DDX20: variants seen among roughly 807,000 people sequenced by gnomAD.
DDX20 encodes DEAD-box helicase 20, also known as probable ATP-dependent RNA helicase DDX20.
Under a neutral mutation model 76.4 loss-of-function variants are expected in DDX20, and 61 were observed. The ratio of observed to expected loss-of-function variants is 0.80; its 90% CI spans 0.65 to 0.99. The LOEUF (loss-of-function observed/expected upper bound fraction) is 0.99. Among genes scored for constraint, DDX20 ranks in the 50% least tolerant of loss-of-function variants. The pLI is 0.00. For synonymous variants in DDX20, 357 were observed against 357.4 expected (o/e 1.00, Z 0.01); for missense variants, 976 against 996.8 (o/e 0.98, Z 0.28).
In DDX20 at chr1:111,761,113, A is replaced by T; in HGVS notation, c.950A>T (p.Asn317Ile). The T allele has an allele frequency of 6.2e-7, 1 of 1,613,548 alleles. No individual in the cohort carries two copies. Among genetic ancestry groups the T allele is most frequent in the Non-Finnish European group, 8.5e-7 (1 of 1,179,778 alleles). Residue 317 changes from asparagine to isoleucine, a missense_variant, in exon 6 of 11, where the codon AAT (asparagine) becomes ATT (isoleucine). By Grantham distance (149) the Asn-to-Ile change is moderately radical. Around this residue, in one of 3 missense-constraint regions of DDX20, gnomAD observed 630 missense variants for 693.7 expected, o/e 0.91. Transcript: ENST00000369702. ...IPFNQALVFS[N>I]LHSRAQHLAD... is the part of the protein sequence containing the mutation. ...TTTAATCAAGCTTTAGTCTTTTCTA[A>T]TTTGCACAGCAGGTAATGTAACTTA...
chr1:111,764,537 A>G (rs1413403454), intron 10 of DDX20, among the ~76,000 whole-genome samples: 1 of 152,230 alleles, frequency 6.6e-6, no homozygotes, highest in Non-Finnish European at 1.5e-5. Context: ...ACTTTAGAGT[A>G]AATGGTCTTT....
intron 3 of DDX20, among the ~76,000 whole-genome samples, chr1:111,760,038 G>C (rs1284358891): frequency 6.6e-6 from 1 of 151,342 alleles, no homozygotes; most frequent in Non-Finnish European, 1.5e-5. Context: ...GTACATGACT[G>C]GTTTACCAGT....
chr1:111,766,137 A>T lies in DDX20; in HGVS notation c.1713A>T (p.Ser571=), dbSNP rs148760030. ...QHQVKEALPV[S]LPQIPCLSSF... is the part of the protein sequence containing the mutation. ...AGGTCAAAGAAGCTTTACCTGTGTCACTCCCCCAGATTCCTTGTCTGTCTT... is the reference window on the plus strand; with the variant it reads ...AGGTCAAAGAAGCTTTACCTGTGTCTCTCCCCCAGATTCCTTGTCTGTCTT... The change falls in exon 11 of 11, where the codon TCA becomes TCT. Residue 571 remains serine, a synonymous_variant. Transcript: ENST00000369702. 6.8e-5 allele frequency: 110 copies of T among 1,613,852 alleles called. No homozygotes were observed. Among genetic ancestry groups the T allele is most frequent in the Non-Finnish European group, 8.8e-5 (104 of 1,180,014 alleles).
At chr1:111,756,489 G>A (rs1221195886) in intron 1 of DDX20, among the ~76,000 whole-genome samples, 157 bp from the exon 2 acceptor site, 1 of 152,226 alleles carries the variant, frequency 6.6e-6, no homozygotes, top group African/African-American at 2.4e-5. Context: ...AACGTTCAGG[G>A]ACTAGGCGTG....
chr1:111,760,877 A>T (rs776238706), intron 5 of DDX20, 29 bp downstream of exon 5: 2 of 1,596,160 alleles, frequency 1.3e-6, no homozygotes, highest in Non-Finnish European at 1.7e-6. Context: ...TACTTATATT[A>T]TTGGTTTATT....
At position 111,766,576 on chromosome 1, in the gene DDX20, CAGATGAAG is replaced by C; in HGVS notation, c.2154_2161del (p.Gln718HisfsTer4). 6.2e-7 allele frequency: 1 copy of C among 1,614,148 alleles called. No homozygotes were observed. The highest frequency in any genetic ancestry group is 8.5e-7 in the Non-Finnish European group (1 of 1,180,000). ...GAAATATCAAGAATCACCTGGAATCCAGATGAAGACAAGACTTAAAGAGGGGGCTAGCC... is the reference window on the plus strand; with the variant it reads ...GAAATATCAAGAATCACCTGGAATCCACAAGACTTAAAGAGGGGGCTAGCC... On this transcript the variant is annotated frameshift_variant, in exon 11 of 11. Coordinates refer to ENST00000369702, the MANE Select transcript of DDX20 (RefSeq NM_007204.5). LOFTEE classifies it high-confidence loss of function.
intron 10 of DDX20, 21 bp from the exon 11 acceptor site, chr1:111,765,716 T>C: frequency 1.3e-6 from 2 of 1,542,386 alleles, no homozygotes; most frequent in African/African-American, 1.4e-5. Flanking sequence ...TTTTAATACA[T>C]TTTTCTTCCT....
At chr1:111,759,346 C>T in intron 2 of DDX20, 54 bp from the exon 3 acceptor site, 3 of 1,311,692 alleles carry the variant, frequency 2.3e-6, no homozygotes. Context: ...ATATACCAGT[C>T]CCCTATGTAT....
rs1437052703 is a variant in DDX20 at position 111,767,808 on chromosome 1, TA to T, written c.*910del. 2.6e-5 allele frequency: 4 copies of T among 152,204 alleles called. No individual in the cohort carries two copies. Among genetic ancestry groups the T allele is most frequent in the Admixed American group, 2.6e-4 (4 of 15,278 alleles). The allele number at this position is 152,204 out of a possible 1,614,324, so 9.4% of individuals were successfully genotyped here. On this transcript the variant is annotated 3_prime_UTR_variant, in exon 11 of 11. Transcript: ENST00000369702. The stretch of plus-strand genomic sequence containing the variant: ...TCTGCTGGTAGGCTAGGGGAAGTTC[TA>T]GCTCTTAGTTTTAAGTATTTTGTGG...
At chr1:111,760,317 A>G (rs1352704324) in intron 3 of DDX20, 157 bp from the exon 4 acceptor site, 1 of 534,014 alleles carries the variant, frequency 1.9e-6, no homozygotes, top group East Asian at 3.2e-5. Context: ...AGAGCTCCAG[A>G]TTTCTAATTT....
chr1:111,763,838 C>G (rs1663723521), intron 10 of DDX20, among the ~76,000 whole-genome samples: 1 of 152,060 alleles, frequency 6.6e-6, no homozygotes, highest in Admixed American at 6.5e-5. Context: ...TAAGTGCCCT[C>G]TTGGAAACAA....
chr1:111,761,324 G>C (rs1434114272), intron 7 of DDX20, 40 bp downstream of exon 7: 5 of 1,556,522 alleles, frequency 3.2e-6, no homozygotes, highest in Non-Finnish European at 4.4e-6. Flanking sequence ...TTAGTATACT[G>C]ACTTGAAGCC....
Position 111,767,864 on chromosome 1 carries a change from C to A in DDX20, c.*965C>A, listed in dbSNP as rs1159998573. On this transcript the variant is annotated 3_prime_UTR_variant, in exon 11 of 11. Transcript: ENST00000369702. ...TGGAATTGATTCTCTTCAGACACTT[C>A]TTAGTACATCCTAATTTTGTGTCTT... is the stretch of plus-strand genomic sequence containing the variant. 1 of 152,154 alleles carries A rather than the reference C, an allele frequency of 6.6e-6. No homozygotes were observed. Among genetic ancestry groups the A allele is most frequent in the Admixed American group, 6.5e-5 (1 of 15,272 alleles). 9.4% of individuals were successfully genotyped at this position (152,154 alleles called of 1,614,324 possible).
chr1:111,758,518 C>T (rs1439932727), intron 2 of DDX20, among the ~76,000 whole-genome samples: 1 of 151,914 alleles, frequency 6.6e-6, no homozygotes, highest in Non-Finnish European at 1.5e-5. Flanking sequence ...CCTTTACTTT[C>T]CCCTGAATTC....
In DDX20 at chr1:111,766,935, A is replaced by G; in HGVS notation, c.*36A>G. On this transcript the variant is annotated 3_prime_UTR_variant, in exon 11 of 11. Transcript: ENST00000369702. ...TACCTGAGACCATCAGGAACTGTCA[A>G]CAAATGATACCTTTGGATATCCATC... is the stretch of plus-strand genomic sequence containing the variant. 6.7e-7 allele frequency: 1 copy of G among 1,498,842 alleles called. No homozygotes were observed. The allele number at this position is 1,498,842 out of a possible 1,614,324, so 92.8% of individuals were successfully genotyped here.
intron 8 of DDX20, 86 bp downstream of exon 8, chr1:111,762,423 G>A (rs996982559): frequency 1.8e-6 from 2 of 1,118,558 alleles, no homozygotes; most frequent in African/African-American, 1.6e-5. Flanking sequence ...ATTATTTTAT[G>A]TAGGCGTATC....
intron 3 of DDX20, 89 bp from the exon 4 acceptor site, chr1:111,760,385 C>T (rs983556360): frequency 2.2e-6 from 2 of 897,008 alleles, no homozygotes; most frequent in Non-Finnish European, 3.5e-6. Context: ...GCAGAACAAC[C>T]TGTAAGTAAT....
intron 7 of DDX20, chr1:111,761,987 A>G: frequency 3.3e-6 from 1 of 299,780 alleles, no homozygotes. Context: ...CTTCATATGT[A>G]ACTTTGCAAA....
rs1231683140 is a variant in DDX20, at chr1:111,766,720, T to C, written c.2296T>C (p.Phe766Leu). ...YDCHREIRLS[F>L]SDTYQDYEEY... Reference sequence around the variant, plus strand: ...CTGTCATAGGGAAATACGTCTGAGTTTTTCTGATACCTATCAGGATTATGA... The same window carrying C: ...CTGTCATAGGGAAATACGTCTGAGTCTTTCTGATACCTATCAGGATTATGA... The change falls in exon 11 of 11, where the codon TTT (phenylalanine) becomes CTT (leucine). Residue 766 changes from phenylalanine (F) to leucine (L), a missense_variant. Phe to Leu is a conservative substitution (Grantham distance 22, BLOSUM62 0). Around this residue, in one of 3 missense-constraint regions of DDX20, gnomAD observed 630 missense variants for 693.7 expected, o/e 0.91. Transcript: ENST00000369702. The C allele has an allele frequency of 1.9e-6, 3 of 1,614,004 alleles. No individual in the cohort carries two copies. The Admixed American group carries it at 5.0e-5, about 27-fold the overall frequency.
Sources: gnomAD v4.1 joint callset for allele counts (sites outside exome capture counted in the v4.1 genomes callset) on GRCh38, gnomAD v4.1.1 for gene constraint, gnomAD v4.1.1 regional missense constraint, MANE v1.5 for transcripts, NCBI Gene and HGNC (gene_info 2026-07-23, HGNC 2026-07-21) for gene names.